RGS17: variants seen among roughly 807,000 people sequenced by gnomAD.
The protein encoded by RGS17 is regulator of G protein signaling 17, also known as regulator of G-protein signaling 17.
In RGS17, 12 loss-of-function variants were observed where a neutral mutation model predicts 25.5. The ratio of observed to expected loss-of-function variants is 0.47; its 90% CI spans 0.30 to 0.76. RGS17 has a LOEUF of 0.76. Ranked by LOEUF, RGS17 falls within the 30% of genes least tolerant of loss-of-function variation. The probability of loss-of-function intolerance (pLI) is 0.07; values close to 1 mark genes in which losing one functional copy is unlikely to be tolerated. For missense variants in RGS17, 196 were observed against 242.2 expected (o/e 0.81, Z 1.27); for synonymous variants, 71 against 76.9 (o/e 0.92, Z 0.40).
intron 1 of RGS17, among the ~76,000 whole-genome samples, chr6:153,075,624 T>C (rs890782080): frequency 6.6e-6 from 1 of 152,158 alleles, no homozygotes; most frequent in Non-Finnish European, 1.5e-5. Context: ...CTGAGAGTCT[T>C]CTGAGTCTGA....
chr6:153,077,061 T>A (rs1776892523), intron 1 of RGS17, among the ~76,000 whole-genome samples: 1 of 152,188 alleles, frequency 6.6e-6, no homozygotes, highest in Non-Finnish European at 1.5e-5. Context: ...CACCTGACAT[T>A]GTGTGCCTCA....
intron 2 of RGS17, among the ~76,000 whole-genome samples, chr6:153,031,021 A>C (rs1292829): frequency 0.89 from 135,714 of 152,226 alleles, 60,794 homozygotes; most frequent in African/African-American, 0.97. Context: ...GAGACCTGGA[A>C]AAAGGGGATC....
At chr6:153,128,025 G>A (rs897651822) in intron 1 of RGS17, among the ~76,000 whole-genome samples, 3 of 152,126 alleles carry the variant, frequency 2.0e-5, no homozygotes, top group African/African-American at 7.2e-5. Flanking sequence ...TTTTTTCAGA[G>A]ATAAGTGTGG....
chr6:153,028,986 G>A (rs1779332326), intron 2 of RGS17, among the ~76,000 whole-genome samples: 1 of 152,152 alleles, frequency 6.6e-6, no homozygotes, highest in Non-Finnish European at 1.5e-5. Flanking sequence ...ACGAGTTTCT[G>A]AACATGAATT....
At position 153,046,711 on chromosome 6, in the gene RGS17, A is replaced by G. The variant is rs1368863753; in HGVS notation, c.-25-2668T>C. Among the ~76,000 whole-genome samples the G allele has an allele frequency of 2.0e-5, 3 of 152,230 alleles. No homozygotes were observed. The East Asian group carries it at 5.8e-4, about 29-fold the overall frequency. ...TGAAGAAAAGCTACAACATGAAAAG[A>G]GAATTGAGATAAGCAGACCAGTAAC... On this transcript the variant is annotated intron_variant, in intron 1 of 4. Transcript: ENST00000206262.
intron 1 of RGS17, among the ~76,000 whole-genome samples, chr6:153,099,300 T>C (rs1777261001): frequency 6.6e-6 from 1 of 152,234 alleles, no homozygotes; most frequent in Admixed American, 6.5e-5. Flanking sequence ...TAACATTTAC[T>C]ACTTATTGAT....
At position 153,011,685 on chromosome 6, in the gene RGS17, G is replaced by A. The variant is rs1779134820; in HGVS notation, c.522C>T (p.Ala174=). Residue 174 remains alanine, a synonymous_variant, in exon 5 of 5, where the codon GCC becomes GCT. Coordinates refer to ENST00000206262, the MANE Select transcript of RGS17 (RefSeq NM_012419.5). ...LDPNPHMYED[A]QLQIYTLMHR... ...GCATTAAAGTATATATCTGAAGTTG[G>A]GCATCTTCATACATGTGAGGATTGG... is the stretch of plus-strand genomic sequence containing the variant. The A allele has an allele frequency of 1.9e-6, 3 of 1,611,316 alleles. No homozygotes were observed. The highest frequency in any genetic ancestry group is 1.1e-5 in the South Asian group (1 of 90,980).
chr6:153,015,959 A>G (rs1255334331), intron 4 of RGS17, among the ~76,000 whole-genome samples: 1 of 152,034 alleles, frequency 6.6e-6, no homozygotes, highest in Non-Finnish European at 1.5e-5. Context: ...AGCCAAGCAT[A>G]TCTTTTATGT....
chr6:153,053,961 T>TTA (rs201666574), intron 1 of RGS17, among the ~76,000 whole-genome samples: 9,719 of 27,546 alleles, frequency 0.35, 2,184 homozygotes, highest in African/African-American at 0.6. Flanking sequence ...TACATATATA[T>TTA]TATATACATA....
At chr6:153,104,377 A>C (rs1472661868) in intron 1 of RGS17, among the ~76,000 whole-genome samples, 1 of 152,198 alleles carries the variant, frequency 6.6e-6, no homozygotes, top group Non-Finnish European at 1.5e-5. Context: ...TGACTCACTC[A>C]AGGTCATATA....
intron 1 of RGS17, among the ~76,000 whole-genome samples, chr6:153,081,671 A>G (rs1215784169): frequency 6.6e-6 from 1 of 151,632 alleles, no homozygotes; most frequent in Non-Finnish European, 1.5e-5. Flanking sequence ...TTGATTTTAC[A>G]TGCCCCCAGT....
intron 2 of RGS17, among the ~76,000 whole-genome samples, chr6:153,029,619 G>C (rs192728127): frequency 6.7e-6 from 1 of 149,624 alleles, no homozygotes; most frequent in East Asian, 2.0e-4. Flanking sequence ...AAGACGGAGT[G>C]TTGCTCTGTT....
In RGS17 at chr6:153,007,544, CTT is replaced by C. The variant is rs1349115505; in HGVS notation, c.*4028_*4029del. 6.6e-6 allele frequency: 1 copy of C among 151,852 alleles called. No homozygotes were observed. Among genetic ancestry groups the C allele is most frequent in the Non-Finnish European group, 1.5e-5 (1 of 67,972 alleles). The allele number at this position is 151,852 out of a possible 1,614,324, so 9.4% of individuals were successfully genotyped here. On this transcript the variant is annotated 3_prime_UTR_variant, in exon 5 of 5. Coordinates refer to ENST00000206262, the MANE Select transcript of RGS17 (RefSeq NM_012419.5). ...GTATTCAAAATACATGTTTGATAGG[CTT>C]CTATCTATAGGCATTTTCTGTCTAA...
At chr6:153,030,242 A>C (rs918553259) in intron 2 of RGS17, among the ~76,000 whole-genome samples, 1 of 152,158 alleles carries the variant, frequency 6.6e-6, no homozygotes, top group African/African-American at 2.4e-5. Flanking sequence ...GTGAGAAAAA[A>C]CATTACCTGC....
At chr6:153,116,165 T>C (rs973167294) in intron 1 of RGS17, among the ~76,000 whole-genome samples, 2 of 152,128 alleles carry the variant, frequency 1.3e-5, no homozygotes, top group Non-Finnish European at 2.9e-5. Context: ...ATTTTTACAA[T>C]CTGTCTGTCT....
chr6:153,070,673 T>TTGTGTGCGTGTG (rs1554239950), intron 1 of RGS17, among the ~76,000 whole-genome samples: 1 of 144,982 alleles, frequency 6.9e-6, no homozygotes, highest in East Asian at 2.3e-4. Flanking sequence ...ACATGGAAGA[T>TTGTGTGCGTGTG]TGTGTGTGTG....
chr6:153,106,075 A>T (rs909456723), intron 1 of RGS17, among the ~76,000 whole-genome samples: 1 of 152,146 alleles, frequency 6.6e-6, no homozygotes, highest in Non-Finnish European at 1.5e-5. Context: ...AGGTAGACTG[A>T]GCCCTGGTTA....
At chr6:153,035,623 A>AT (rs781743864) in intron 2 of RGS17, among the ~76,000 whole-genome samples, 2 of 152,164 alleles carry the variant, frequency 1.3e-5, no homozygotes, top group Non-Finnish European at 2.9e-5. Context: ...TTTTTGCATT[A>AT]TTGATTGGAA....
At chr6:153,107,488 G>GT (rs1777402959) in intron 1 of RGS17, among the ~76,000 whole-genome samples, 1 of 151,940 alleles carries the variant, frequency 6.6e-6, no homozygotes, top group Admixed American at 6.6e-5. Flanking sequence ...GCCTTTAGCT[G>GT]TTTTTATAAG....
Sources: gnomAD v4.1 joint callset for allele counts (sites outside exome capture counted in the v4.1 genomes callset) on GRCh38, gnomAD v4.1.1 for gene constraint, MANE v1.5 for transcripts, NCBI Gene and HGNC (gene_info 2026-07-23, HGNC 2026-07-21) for gene names.